EYS: variants seen among roughly 807,000 people sequenced by gnomAD.
EYS encodes the protein EGF-like photoreceptor maintenance factor.
Under a neutral mutation model 282.1 loss-of-function variants are expected in EYS, and 250 were observed. The ratio of observed to expected loss-of-function variants is 0.89; its 90% CI spans 0.80 to 0.98. The LOEUF (loss-of-function observed/expected upper bound fraction) is 0.98, where lower values mean the gene tolerates loss of function less well. EYS is among the 50% of genes least tolerant of loss of function. The probability of loss-of-function intolerance (pLI) is 0.00; values close to 1 mark genes in which losing one functional copy is unlikely to be tolerated. For missense variants in EYS, 4,016 were observed against 3,709.0 expected (o/e 1.08, Z -2.15); for synonymous variants, 1,355 against 1,282.9 (o/e 1.06, Z -1.20).
intron 13 of EYS, among the ~76,000 whole-genome samples, chr6:65,035,041 T>G (rs1035940227): frequency 6.6e-6 from 1 of 152,176 alleles, no homozygotes; most frequent in African/African-American, 2.4e-5. Flanking sequence ...ATTCCTGGGA[T>G]GCATGGTTTG....
intron 2 of EYS, among the ~76,000 whole-genome samples, chr6:65,497,763 T>C (rs915059258): frequency 1.3e-5 from 2 of 152,110 alleles, no homozygotes; most frequent in African/African-American, 4.8e-5. Context: ...ATCAATTTTG[T>C]TCTCTCTTCA....
chr6:65,534,582 G>A (rs1347838191), intron 2 of EYS, among the ~76,000 whole-genome samples: 1 of 151,986 alleles, frequency 6.6e-6, no homozygotes, highest in Non-Finnish European at 1.5e-5. Context: ...ATTGACTGAC[G>A]GCTTCCTTAA....
At chr6:64,162,453 G>A (rs1775136356) in intron 31 of EYS, among the ~76,000 whole-genome samples, 1 of 152,060 alleles carries the variant, frequency 6.6e-6, no homozygotes, top group Non-Finnish European at 1.5e-5. Context: ...GGCTCACCTG[G>A]AATTCCTAAG....
intron 21 of EYS, 65 bp downstream of exon 21, chr6:64,821,580 G>A (rs1764900493): frequency 2.5e-6 from 2 of 808,392 alleles, no homozygotes; most frequent in Non-Finnish European, 4.0e-6. Context: ...CCTACAGCAA[G>A]CAATTTGATT....
intron 15 of EYS, among the ~76,000 whole-genome samples, chr6:64,917,241 T>C (rs146563961): frequency 0.012 from 1,492 of 122,242 alleles, 40 homozygotes; most frequent in African/African-American, 0.049. Context: ...AGAGCGAGAC[T>C]TAGTCTCAAA....
chr6:65,292,984 A>G (rs568919676), intron 12 of EYS, among the ~76,000 whole-genome samples: 2 of 151,768 alleles, frequency 1.3e-5, no homozygotes, highest in African/African-American at 4.8e-5. Context: ...TGGAAATTAG[A>G]TGAAAACTAA....
chr6:65,467,079 C>T (rs908188292), intron 5 of EYS, among the ~76,000 whole-genome samples: 4 of 152,054 alleles, frequency 2.6e-5, no homozygotes, highest in Non-Finnish European at 5.9e-5. Context: ...CACTTTTGCA[C>T]CCACCTAATA....
intron 2 of EYS, among the ~76,000 whole-genome samples, chr6:65,582,152 C>T (rs959309937): frequency 2.6e-5 from 4 of 151,416 alleles, no homozygotes; most frequent in African/African-American, 7.3e-5. Flanking sequence ...ACTGAGATGG[C>T]GCCACTGCAC....
At chr6:65,480,421 A>T (rs1378501814) in intron 5 of EYS, among the ~76,000 whole-genome samples, 1 of 152,168 alleles carries the variant, frequency 6.6e-6, no homozygotes, top group Non-Finnish European at 1.5e-5. Flanking sequence ...TGACATTTTC[A>T]TGAATAAACC....
At chr6:65,465,097 T>C (rs1210538572) in intron 5 of EYS, among the ~76,000 whole-genome samples, 1 of 152,158 alleles carries the variant, frequency 6.6e-6, no homozygotes, top group East Asian at 1.9e-4. Context: ...AAAAACCTTT[T>C]GCCATATTCA....
At chr6:64,444,437 T>C (rs9345113) in intron 26 of EYS, among the ~76,000 whole-genome samples, 41,378 of 152,084 alleles carry the variant, frequency 0.27, 5,763 homozygotes, top group East Asian at 0.47. Flanking sequence ...AGAAATATAC[T>C]GCCTGACAAT....
chr6:65,374,798 C>G (rs1765299184), intron 8 of EYS, among the ~76,000 whole-genome samples: 1 of 152,120 alleles, frequency 6.6e-6, no homozygotes, highest in African/African-American at 2.4e-5. Context: ...CATCACAGCA[C>G]AGCAAAGCTG....
At chr6:64,465,695 T>A (rs1775894623) in intron 26 of EYS, among the ~76,000 whole-genome samples, 2 of 151,704 alleles carry the variant, frequency 1.3e-5, no homozygotes, top group African/African-American at 4.8e-5. Context: ...GAGAAAAGAT[T>A]TTTTTGGATG....
chr6:65,049,255 T>G (rs1476214151), intron 13 of EYS, among the ~76,000 whole-genome samples: 1 of 151,826 alleles, frequency 6.6e-6, no homozygotes, highest in East Asian at 1.9e-4. Flanking sequence ...TGAATTCTGT[T>G]GAAAACTCCA....
At chr6:65,445,684 A>C (rs1335042556) in intron 5 of EYS, among the ~76,000 whole-genome samples, 2 of 151,818 alleles carry the variant, frequency 1.3e-5, no homozygotes, top group African/African-American at 4.8e-5. Context: ...GAAATAAACC[A>C]AAAAGGTATT....
chr6:64,648,070 A>G (rs1768419635), intron 22 of EYS, among the ~76,000 whole-genome samples: 1 of 152,170 alleles, frequency 6.6e-6, no homozygotes, highest in African/African-American at 2.4e-5. Flanking sequence ...TTAATCATGT[A>G]TTTTGCATAC....
intron 35 of EYS, among the ~76,000 whole-genome samples, chr6:63,882,105 A>G (rs903260800): frequency 3.9e-5 from 6 of 152,256 alleles, no homozygotes; most frequent in Admixed American, 2.0e-4. Context: ...AAATCAAGTT[A>G]TCTCTTTCTG....
intron 6 of EYS, among the ~76,000 whole-genome samples, chr6:65,404,814 T>C (rs1468717279): frequency 2.0e-5 from 3 of 151,894 alleles, no homozygotes; most frequent in Non-Finnish European, 4.4e-5. Context: ...GAATCTAAAA[T>C]GAAAAGACAG....
chr6:65,451,392 T>G (rs1485949225), intron 5 of EYS, among the ~76,000 whole-genome samples: 1 of 152,104 alleles, frequency 6.6e-6, no homozygotes, highest in Non-Finnish European at 1.5e-5. Flanking sequence ...ATTTACTACC[T>G]CAATCAAAAT....
Sources: allele counts gnomAD v4.1 joint callset (sites outside exome capture counted in the v4.1 genomes callset), GRCh38; gene constraint gnomAD v4.1.1; transcripts MANE v1.5; gene names NCBI Gene and HGNC (gene_info 2026-07-23, HGNC 2026-07-21).